SCP2: variants seen among roughly 807,000 people sequenced by gnomAD.
SCP2 encodes the protein sterol carrier protein 2.
SCP2 carries 48 observed loss-of-function variants against 71.4 expected under a neutral mutation model. That is an observed-to-expected ratio of 0.67 (90% CI 0.53 to 0.86). SCP2 has a LOEUF of 0.86. Ranked by LOEUF, SCP2 falls within the 40% of genes least tolerant of loss-of-function variation. The pLI, the probability that SCP2 is intolerant of heterozygous loss-of-function variation, is 0.00. For missense variants in SCP2, 560 were observed against 655.6 expected (o/e 0.85, Z 1.59); for synonymous variants, 220 against 218.1 (o/e 1.01, Z -0.08).
chr1:53,046,406 T>G (rs534146540), intron 14 of SCP2, among the ~76,000 whole-genome samples: 37 of 152,168 alleles, frequency 2.4e-4, no homozygotes, highest in African/African-American at 8.4e-4. Context: ...TAATGTGAAT[T>G]TTCTGATGAT....
At chr1:52,956,532 AGT>A (rs1655807339) in intron 5 of SCP2, among the ~76,000 whole-genome samples, 1 of 152,172 alleles carries the variant, frequency 6.6e-6, no homozygotes, top group Non-Finnish European at 1.5e-5. Context: ...GCCTTTAAAA[AGT>A]GGTAGAAGTT....
intron 5 of SCP2, among the ~76,000 whole-genome samples, chr1:52,958,468 C>T (rs532195067): frequency 1.3e-5 from 2 of 152,070 alleles, no homozygotes; most frequent in South Asian, 2.1e-4. Context: ...CGACCTCAGG[C>T]GATCCACCTG....
chr1:52,971,132 C>T (rs373944885), intron 6 of SCP2, among the ~76,000 whole-genome samples: 4 of 151,898 alleles, frequency 2.6e-5, no homozygotes, highest in South Asian at 2.1e-4. Context: ...CCCGCCACCA[C>T]GCCTGGCTAA....
At chr1:52,940,296 G>A (rs2150108848) in intron 1 of SCP2, 1 of 154,230 alleles carries the variant, frequency 6.5e-6, no homozygotes, top group African/African-American at 2.4e-5. Context: ...CCCAGCTACT[G>A]TGGGTGCAAA....
intron 7 of SCP2, 57 bp from the exon 8 acceptor site, chr1:52,976,626 A>C: frequency 1.1e-6 from 1 of 902,260 alleles, no homozygotes; most frequent in Non-Finnish European, 1.9e-6. Context: ...CTTACTCTGC[A>C]ACAAAAATTA....
rs546669840 is a variant in SCP2, at chr1:52,998,073, A to G, written c.1081+9937A>G. Among the ~76,000 whole-genome samples the G allele has an allele frequency of 2.0e-5, 3 of 152,294 alleles. No individual in the cohort carries two copies. The East Asian group carries it at 5.8e-4, about 29-fold the overall frequency. On this transcript the variant is annotated intron_variant, in intron 11 of 15. Coordinates refer to ENST00000371514, the MANE Select transcript of SCP2 (RefSeq NM_002979.5). ...AAAATTAATACAAGTTTTTCTTTTT[A>G]TCAGTAGTTCTTTTTTATTGCCAAG...
At chr1:52,971,769 A>G (rs1028433317) in intron 6 of SCP2, among the ~76,000 whole-genome samples, 1 of 152,228 alleles carries the variant, frequency 6.6e-6, no homozygotes, top group Non-Finnish European at 1.5e-5. Flanking sequence ...GGCGTGGGGC[A>G]GGTCCCTTTC....
chr1:52,982,272 T>TA (rs1658583193), intron 10 of SCP2, among the ~76,000 whole-genome samples: 1 of 151,814 alleles, frequency 6.6e-6, no homozygotes, highest in African/African-American at 2.4e-5. Context: ...TTCTGGGGGG[T>TA]AAAATCTCTC....
At chr1:53,025,096 C>T (rs1302002641) in intron 12 of SCP2, among the ~76,000 whole-genome samples, 2 of 152,184 alleles carry the variant, frequency 1.3e-5, no homozygotes, top group African/African-American at 4.8e-5. Flanking sequence ...CCACCCTCCA[C>T]TGAAAACTGC....
intron 11 of SCP2, among the ~76,000 whole-genome samples, chr1:53,007,391 A>G (rs1660705213): frequency 6.6e-6 from 1 of 152,212 alleles, no homozygotes; most frequent in South Asian, 2.1e-4. Context: ...AGCACTCCTC[A>G]GCAAATGTAA....
intron 13 of SCP2, among the ~76,000 whole-genome samples, chr1:53,037,906 A>ACACACACACCCC (rs1663090804): frequency 1.6e-5 from 2 of 127,650 alleles, no homozygotes; most frequent in African/African-American, 6.6e-5. Context: ...ACACACACAC[A>ACACACACACCCC]CACACACACA....
chr1:53,028,004 C>T lies in SCP2; in HGVS notation c.1271C>T (p.Thr424Ile). 1 of 1,611,070 alleles carries T rather than the reference C, an allele frequency of 6.2e-7. No individual in the cohort carries two copies. ...FRTHQIEAVP[T>I]SSASDGFKAN... ...ACTCATCAAATTGAAGCTGTTCCAA[C>T]CAGCTCTGCAAGTGATGGATTTAAG... is the stretch of plus-strand genomic sequence containing the variant. The change falls in exon 13 of 16, where the codon ACC (threonine) becomes ATC (isoleucine). Residue 424 changes from threonine (T) to isoleucine (I), a missense_variant. Around this residue, in one of 3 missense-constraint regions of SCP2, gnomAD observed 513 missense variants for 573.1 expected, o/e 0.90. Transcript: ENST00000371514.
chr1:52,959,785 T>C (rs984812332), intron 5 of SCP2, among the ~76,000 whole-genome samples: 3 of 152,146 alleles, frequency 2.0e-5, no homozygotes, highest in African/African-American at 7.2e-5. Flanking sequence ...CTTCTGGTGT[T>C]GGTAATTTTT....
chr1:53,043,498 G>A (rs1193720336), intron 14 of SCP2, among the ~76,000 whole-genome samples: 1 of 152,242 alleles, frequency 6.6e-6, no homozygotes, highest in Non-Finnish European at 1.5e-5. Context: ...ACAAAAGGAA[G>A]CTGTAGAGCA....
At position 53,009,064 on chromosome 1, in the gene SCP2, T is replaced by C. The variant is rs530030937; in HGVS notation, c.1082-5826T>C. Among the ~76,000 whole-genome samples, 5 of 152,236 alleles carry C rather than the reference T, an allele frequency of 3.3e-5. No individual in the cohort carries two copies. The South Asian group carries it at 1.0e-3, about 32-fold the overall frequency. On this transcript the variant is annotated intron_variant, in intron 11 of 15. Coordinates refer to ENST00000371514, the MANE Select transcript of SCP2 (RefSeq NM_002979.5). The stretch of plus-strand genomic sequence containing the variant: ...GAATAAAATACCTAGGAATCCAACT[T>C]ACAAGGGATGTGAAGGACCCCTTCA...
At chr1:52,928,816 T>C (rs1421027821) in intron 1 of SCP2, 1 of 154,324 alleles carries the variant, frequency 6.5e-6, no homozygotes, top group East Asian at 1.9e-4. Context: ...AGTGGACCAA[T>C]ACCTTATGAA....
chr1:52,941,749 AT>A (rs766276159), intron 1 of SCP2, 46 bp from the exon 2 acceptor site: 264 of 1,315,964 alleles, frequency 2.0e-4, no homozygotes, highest in Non-Finnish European at 2.6e-4. Flanking sequence ...AAAAAAAAAA[AT>A]GTAACTATAC....
chr1:52,941,897 T>A (rs780164745), intron 2 of SCP2, 44 bp downstream of exon 2: 4 of 1,419,610 alleles, frequency 2.8e-6, no homozygotes, highest in Non-Finnish European at 4.0e-6. Flanking sequence ...TAGTTTATTA[T>A]GTGGTCTGTC....
At chr1:52,991,603 G>T (rs969512691) in intron 11 of SCP2, among the ~76,000 whole-genome samples, 1 of 152,152 alleles carries the variant, frequency 6.6e-6, no homozygotes, top group South Asian at 2.1e-4. Context: ...GTTTCACCAG[G>T]TTGGTCAGGC....
Sources: allele counts gnomAD v4.1 joint callset (sites outside exome capture counted in the v4.1 genomes callset), GRCh38; gene constraint gnomAD v4.1.1; regional missense constraint gnomAD v4.1.1; transcripts MANE v1.5; gene names NCBI Gene and HGNC (gene_info 2026-07-23, HGNC 2026-07-21).